BRD7: variants seen among roughly 807,000 people sequenced by gnomAD.
The protein encoded by BRD7 is bromodomain containing 7, also known as bromodomain-containing protein 7.
In BRD7, 15 loss-of-function variants were observed where a neutral mutation model predicts 82.1. That is an observed-to-expected ratio of 0.18 (90% CI 0.12 to 0.28). The LOEUF (loss-of-function observed/expected upper bound fraction) is 0.28, where lower values mean the gene tolerates loss of function less well. Among genes scored for constraint, BRD7 ranks in the 10% least tolerant of loss-of-function variants. The pLI is 1.00. For missense variants in BRD7, 638 were observed against 779.9 expected (o/e 0.82, Z 2.17); for synonymous variants, 232 against 266.9 (o/e 0.87, Z 1.27).
chr16:50,348,374 CCAAAAGCAATGGCAA>C (rs1723622729), intron 5 of BRD7, among the ~76,000 whole-genome samples: 4 of 152,160 alleles, frequency 2.6e-5, no homozygotes, highest in Admixed American at 2.6e-4. Flanking sequence ...GACTAAAACA[CCAAAAGCAATGGCAA>C]CAAAAGCCAA....
chr16:50,341,779 C>A (rs955582817), intron 5 of BRD7, among the ~76,000 whole-genome samples: 2 of 151,334 alleles, frequency 1.3e-5, no homozygotes, highest in African/African-American at 4.9e-5. Flanking sequence ...TATGAACTGG[C>A]AAGAGTACTG....
intron 2 of BRD7, among the ~76,000 whole-genome samples, chr16:50,367,885 C>T (rs573684765): frequency 6.6e-6 from 1 of 152,120 alleles, no homozygotes; most frequent in African/African-American, 2.4e-5. Context: ...ACCTGATGTG[C>T]GAGTACAATT....
intron 4 of BRD7, among the ~76,000 whole-genome samples, chr16:50,351,143 T>C (rs2038505752): frequency 6.6e-6 from 1 of 152,212 alleles, no homozygotes; most frequent in Non-Finnish European, 1.5e-5. Context: ...ATATTTACCA[T>C]GTTGCTAGTC....
intron 4 of BRD7, among the ~76,000 whole-genome samples, chr16:50,350,545 C>T (rs1449870363): frequency 6.6e-6 from 1 of 152,210 alleles, no homozygotes; most frequent in Non-Finnish European, 1.5e-5. Flanking sequence ...AAAATAGTAA[C>T]TATGAACATA....
At position 50,317,792 on chromosome 16, in the gene BRD7, C is replaced by T. The variant is rs1467407661; in HGVS notation, c.*1419G>A. The T allele has an allele frequency of 6.6e-6, 1 of 152,278 alleles. No individual in the cohort carries two copies. Among genetic ancestry groups the T allele is most frequent in the Non-Finnish European group, 1.5e-5 (1 of 68,026 alleles). The allele number at this position is 152,278 out of a possible 1,614,324, so 9.4% of individuals were successfully genotyped here. ...CACACGTATCTAACAAACAAACAAA[C>T]AGTGACCTTCTCCATGGGTCAAGGA... On this transcript the variant is annotated 3_prime_UTR_variant, in exon 17 of 17. Transcript: ENST00000394688.
chr16:50,355,262 A>C (rs970043244), intron 2 of BRD7, among the ~76,000 whole-genome samples: 9 of 152,252 alleles, frequency 5.9e-5, no homozygotes, highest in Non-Finnish European at 1.2e-4. Context: ...TGAATAAAGG[A>C]GATATACTAT....
At chr16:50,339,952 T>C in intron 6 of BRD7, 24 bp downstream of exon 6, 1 of 1,401,870 alleles carries the variant, frequency 7.1e-7, no homozygotes, top group Non-Finnish European at 9.9e-7. Context: ...ATAACTATTA[T>C]TTATGACAAA....
At chr16:50,346,277 GA>G (rs2038279530) in intron 5 of BRD7, among the ~76,000 whole-genome samples, 1 of 152,188 alleles carries the variant, frequency 6.6e-6, no homozygotes, top group South Asian at 2.1e-4. Flanking sequence ...GCAGTGTGTA[GA>G]GGGAAATTTA....
chr16:50,334,637 C>A, intron 7 of BRD7, 74 bp downstream of exon 7: 1 of 1,535,352 alleles, frequency 6.5e-7, no homozygotes, highest in South Asian at 1.2e-5. Flanking sequence ...CCAAGTCAGG[C>A]CCCGAATAAG....
intron 6 of BRD7, among the ~76,000 whole-genome samples, chr16:50,339,177 C>T (rs779198566): frequency 3.9e-5 from 6 of 152,236 alleles, no homozygotes; most frequent in Non-Finnish European, 5.9e-5. Flanking sequence ...CTAATTCTTA[C>T]CCTTTAAGGA....
At position 50,333,602 on chromosome 16, in the gene BRD7, T is replaced by C. The variant is rs755833534; in HGVS notation, c.983A>G (p.Lys328Arg). The C allele has an allele frequency of 3.5e-5, 56 of 1,611,860 alleles. No individual in the cohort carries two copies. The highest frequency in any genetic ancestry group is 4.2e-5 in the Non-Finnish European group (49 of 1,179,836). The change falls in exon 8 of 17, where the codon AAG becomes AGG. Residue 328 changes from lysine to arginine, a missense_variant. By Grantham distance (26) the Lys-to-Arg change is conservative. This residue lies in a region of BRD7 where 402 missense variants were observed against 500.8 expected (regional missense o/e 0.80). Transcript: ENST00000394688. The stretch of plus-strand genomic sequence containing the variant: ...ACTGTTCACAAGCCGCCTGGTCAGC[T>C]TTCCTCCAGATTCCTTCACGATGCG... ...LDRIVKESGG[K>R]LTRRLVNSQC...
intron 11 of BRD7, among the ~76,000 whole-genome samples, chr16:50,325,206 A>G (rs923836913): frequency 6.6e-6 from 1 of 152,232 alleles, no homozygotes; most frequent in Non-Finnish European, 1.5e-5. Flanking sequence ...CAAACTGCTC[A>G]GCATCCTAAA....
chr16:50,331,655 T>C (rs999115842), intron 8 of BRD7, among the ~76,000 whole-genome samples: 2 of 152,214 alleles, frequency 1.3e-5, no homozygotes, highest in African/African-American at 2.4e-5. Context: ...TGAGCCAAGA[T>C]TGTGCCACTG....
intron 2 of BRD7, among the ~76,000 whole-genome samples, chr16:50,365,347 C>T (rs1458954938): frequency 2.0e-5 from 3 of 152,198 alleles, no homozygotes; most frequent in South Asian, 2.1e-4. Context: ...GACATTGGGG[C>T]ATTCTTCACC....
intron 13 of BRD7, among the ~76,000 whole-genome samples, chr16:50,321,188 C>T (rs368867909): frequency 6.6e-6 from 1 of 152,174 alleles, no homozygotes; most frequent in Non-Finnish European, 1.5e-5. Flanking sequence ...ACTTGCATTC[C>T]TATTGATACA....
chr16:50,337,256 CTTTTTTTTT>C (rs71138063), intron 6 of BRD7, among the ~76,000 whole-genome samples: 1 of 93,254 alleles, frequency 1.1e-5, no homozygotes, highest in East Asian at 3.5e-4. Flanking sequence ...GTTCATTCTT[CTTTTTTTTT>C]TTTTTTTTTT....
intron 15 of BRD7, 66 bp downstream of exon 15, chr16:50,320,182 C>A: frequency 6.4e-7 from 1 of 1,559,854 alleles, no homozygotes; most frequent in East Asian, 2.2e-5. Flanking sequence ...GGCATCACCA[C>A]TGTACTCAAG....
At chr16:50,353,400 T>C (rs1488027284) in intron 4 of BRD7, among the ~76,000 whole-genome samples, 2 of 152,044 alleles carry the variant, frequency 1.3e-5, no homozygotes, top group Non-Finnish European at 2.9e-5. Flanking sequence ...GAACAGGCAT[T>C]GAATACAGAT....
chr16:50,345,938 C>T (rs1396162869), intron 5 of BRD7, among the ~76,000 whole-genome samples: 4 of 152,194 alleles, frequency 2.6e-5, no homozygotes, highest in Admixed American at 6.5e-5. Flanking sequence ...ATCTACAGAA[C>T]TCTCCACCCT....
Sources: allele counts gnomAD v4.1 joint callset (sites outside exome capture counted in the v4.1 genomes callset), GRCh38; gene constraint gnomAD v4.1.1; regional missense constraint gnomAD v4.1.1; transcripts MANE v1.5; gene names NCBI Gene and HGNC (gene_info 2026-07-23, HGNC 2026-07-21).